Variants in IGF2R observed in about 807,000 individuals in gnomAD.
The protein encoded by IGF2R is insulin like growth factor 2 receptor.
Under a neutral mutation model 270.6 loss-of-function variants are expected in IGF2R, and 91 were observed. That is an observed-to-expected ratio of 0.34 (90% CI 0.28 to 0.40). The LOEUF (loss-of-function observed/expected upper bound fraction) is 0.40. Ranked by LOEUF, IGF2R falls within the 10% of genes least tolerant of loss-of-function variation. IGF2R has a pLI of 1.00. For synonymous variants in IGF2R, 1,316 were observed against 1,258.9 expected, an observed-to-expected ratio of 1.05 and a Z score of -0.96; for missense variants, 2,805 against 3,188.3, an observed-to-expected ratio of 0.88 and a Z score of 2.90.
At chr6:160,079,876 C>A (rs569176519) in intron 38 of IGF2R, 89 bp downstream of exon 38, 2 of 1,209,450 alleles carry the variant, frequency 1.7e-6, no homozygotes, top group South Asian at 1.7e-5. Context: ...CGGAGTGGAG[C>A]TCCACGGTCC....
Position 160,064,476 on chromosome 6 carries a change from A to C in IGF2R, c.3962A>C (p.Lys1321Thr). 1 of 1,614,146 alleles carries C rather than the reference A, an allele frequency of 6.2e-7. No homozygotes were observed. The highest frequency in any genetic ancestry group is 8.5e-7 in the Non-Finnish European group (1 of 1,180,008). ...MNFTGGDTCH[K>T]VYQRSTAIFF... Reference sequence around the variant, plus strand: ...TTCACGGGGGGGGACACTTGCCATAAGGTTTATCAGCGCTCCACAGCCATC... The same window carrying C: ...TTCACGGGGGGGGACACTTGCCATACGGTTTATCAGCGCTCCACAGCCATC... The change falls in exon 28 of 48, where the codon AAG (lysine) becomes ACG (threonine). Residue 1321 changes from lysine to threonine, a missense_variant. Lys to Thr is a moderately conservative substitution (Grantham distance 78). This residue lies in a region of IGF2R where 1,851 missense variants were observed against 2,207.2 expected (regional missense o/e 0.84). Transcript: ENST00000356956.
At chr6:159,970,199 T>G (rs1192779447) in intron 1 of IGF2R, among the ~76,000 whole-genome samples, 1 of 152,174 alleles carries the variant, frequency 6.6e-6, no homozygotes, top group Admixed American at 6.6e-5. Flanking sequence ...GTCCAGGGCC[T>G]GGGGAACTTC....
At chr6:160,100,708 C>T (rs1314485979) in intron 45 of IGF2R, among the ~76,000 whole-genome samples, 1 of 107,572 alleles carries the variant, frequency 9.3e-6, no homozygotes, top group Non-Finnish European at 1.8e-5. Context: ...ACAAAGCAGG[C>T]AAGTCAGCAA....
chr6:160,065,812 GTGTATATATATATATATA>G (rs1562364439), intron 29 of IGF2R, among the ~76,000 whole-genome samples: 1 of 69,368 alleles, frequency 1.4e-5, no homozygotes, highest in African/African-American at 6.3e-5. Context: ...GTGTGTGTGT[GTGTATATATATATATATA>G]TATATATATA....
Position 160,096,443 on chromosome 6 carries a change from C to T in IGF2R, c.6660C>T (p.Gly2220=), listed in dbSNP as rs141757600. The T allele has an allele frequency of 1.3e-4, 214 of 1,608,930 alleles. 1 individual carries two copies. In the African/African-American group the frequency reaches 2.0e-3, roughly 15 times the overall value. Residue 2220 remains glycine, a synonymous_variant, in exon 45 of 48, where the codon GGC becomes GGT. Transcript: ENST00000356956. ...TGTGCCCTTCCCGTTTGACAGACGG[C>T]GATCTCGATGTCGTGTTTGCCTCTT... is the stretch of plus-strand genomic sequence containing the variant. ...SDKTKYYLQD[G]DLDVVFASSS...
chr6:159,969,888 G>C (rs1323633057), intron 1 of IGF2R, among the ~76,000 whole-genome samples: 1 of 152,098 alleles, frequency 6.6e-6, no homozygotes, highest in Non-Finnish European at 1.5e-5. Context: ...GAGTGTTTGT[G>C]GTTTCATTTG....
intron 4 of IGF2R, among the ~76,000 whole-genome samples, chr6:160,013,434 G>C (rs1472847342): frequency 6.9e-6 from 1 of 143,932 alleles, no homozygotes; most frequent in Non-Finnish European, 1.5e-5. Context: ...AAAAAAAAAA[G>C]GTGCTGATCT....
At chr6:160,069,629 C>T (rs1241295112) in intron 30 of IGF2R, among the ~76,000 whole-genome samples, 2 of 150,624 alleles carry the variant, frequency 1.3e-5, no homozygotes, top group East Asian at 1.9e-4. Context: ...CCTAGCTATT[C>T]CTCTACACTC....
Position 160,078,195 on chromosome 6 carries a change from C to T in IGF2R, c.5317-6C>T. 1 of 1,613,834 alleles carries T rather than the reference C, an allele frequency of 6.2e-7. No individual in the cohort carries two copies. The highest frequency in any genetic ancestry group is 1.1e-5 in the South Asian group (1 of 91,062). On this transcript the variant is annotated splice_polypyrimidine_tract_variant and splice_region_variant and intron_variant, in intron 36 of 47. Transcript: ENST00000356956. ...TTTTTAAGACCCGTGCTCTTCCTGG[C>T]AACAGGGAACGCCTAAGCTGTTAAG...
At chr6:160,090,219 T>C (rs1779188894) in intron 44 of IGF2R, 116 bp downstream of exon 44, 3 of 639,558 alleles carry the variant, frequency 4.7e-6, no homozygotes, top group African/African-American at 3.8e-5. Flanking sequence ...ACAAAAACCT[T>C]GGTCTAATTC....
intron 35 of IGF2R, among the ~76,000 whole-genome samples, chr6:160,074,224 A>G (rs1188610434): frequency 6.6e-6 from 1 of 152,160 alleles, no homozygotes; most frequent in East Asian, 1.9e-4. Context: ...TAGGGACTCT[A>G]CTTGTCATGA....
chr6:160,049,333 G>A (rs190640361), intron 18 of IGF2R, among the ~76,000 whole-genome samples: 9 of 152,106 alleles, frequency 5.9e-5, no homozygotes, highest in East Asian at 1.9e-4. Context: ...ATCACCACGC[G>A]GAACACTTTC....
intron 11 of IGF2R, among the ~76,000 whole-genome samples, chr6:160,042,062 C>A (rs1300048335): frequency 6.6e-6 from 1 of 151,514 alleles, no homozygotes; most frequent in Non-Finnish European, 1.5e-5. Flanking sequence ...AGGAGAGATA[C>A]ATTTTTCAAT....
rs879058804 is a variant in IGF2R at position 160,068,065 on chromosome 6, GGTGTGTGTGTGTGTGTGT to G, written c.4116-158_4116-141del. Among the ~76,000 whole-genome samples the G allele has an allele frequency of 1.4e-3, 105 of 77,480 alleles. 1 individual carries two copies. Among genetic ancestry groups the G allele is most frequent in the African/African-American group, 4.5e-3 (90 of 19,846 alleles). The allele number at this position is 77,480 out of a possible 152,430, so 50.8% of individuals were successfully genotyped here. ...TATGTTGTTGCTGATTCTGATGGGG[GGTGTGTGTGTGTGTGTGT>G]GTGTGTGTGTGTGTGTGTGTGTGTG... On this transcript the variant is annotated intron_variant, in intron 29 of 47. Transcript: ENST00000356956.
intron 4 of IGF2R, among the ~76,000 whole-genome samples, chr6:160,012,775 T>TG (rs1226203076): frequency 0.043 from 5,514 of 127,794 alleles, 395 homozygotes; most frequent in Non-Finnish European, 0.065. Flanking sequence ...TTTTTTTTTT[T>TG]TTTGTTTGTT....
chr6:160,058,550 AT>A (rs1238926108), intron 21 of IGF2R, among the ~76,000 whole-genome samples: 5 of 152,206 alleles, frequency 3.3e-5, no homozygotes, highest in Non-Finnish European at 5.9e-5. Flanking sequence ...AATTAACATG[AT>A]TTCAATGATA....
At chr6:160,034,117 G>C (rs1175743496) in intron 9 of IGF2R, among the ~76,000 whole-genome samples, 1 of 152,176 alleles carries the variant, frequency 6.6e-6, no homozygotes, top group Non-Finnish European at 1.5e-5. Context: ...CTAATTCTTG[G>C]GCGTTATTTA....
intron 4 of IGF2R, among the ~76,000 whole-genome samples, chr6:160,020,470 A>T (rs1777407564): frequency 6.6e-6 from 1 of 152,198 alleles, no homozygotes. Flanking sequence ...TGGTCCCCCA[A>T]AAAATCTTAA....
intron 1 of IGF2R, among the ~76,000 whole-genome samples, chr6:159,971,581 C>T (rs1783609311): frequency 6.6e-6 from 1 of 152,206 alleles, no homozygotes. Flanking sequence ...CACATGCAGA[C>T]TTCTCCAGAA....
Sources: gnomAD v4.1 joint callset for allele counts (sites outside exome capture counted in the v4.1 genomes callset) on GRCh38, gnomAD v4.1.1 for gene constraint, gnomAD v4.1.1 regional missense constraint, MANE v1.5 for transcripts, NCBI Gene and HGNC (gene_info 2026-07-23, HGNC 2026-07-21) for gene names.